SLC2A14: variants seen among roughly 807,000 people sequenced by gnomAD.
SLC2A14 encodes the protein solute carrier family 2 member 14.
Under a neutral mutation model 43.0 loss-of-function variants are expected in SLC2A14, and 13 were observed. That is an observed-to-expected ratio of 0.30 (90% CI 0.20 to 0.48). The LOEUF (loss-of-function observed/expected upper bound fraction) is 0.48, where lower values mean the gene tolerates loss of function less well. Among genes scored for constraint, SLC2A14 ranks in the 20% least tolerant of loss-of-function variants. SLC2A14 has a pLI of 0.99. For synonymous variants in SLC2A14, 190 were observed against 233.8 expected (o/e 0.81, Z 1.71); for missense variants, 428 against 620.4 (o/e 0.69, Z 3.29).
intron 1 of SLC2A14, among the ~76,000 whole-genome samples, chr12:7,880,693 A>C (rs1945553679): frequency 8.0e-5 from 1 of 12,548 alleles, no homozygotes; most frequent in Non-Finnish European, 1.5e-4. Flanking sequence ...TGGGTCTCAA[A>C]AAAAAAAAAA....
rs767648631 is a variant in SLC2A14 at position 7,879,327 on chromosome 12, C to CAAAAAA, written c.132+11668_132+11669insTTTTTT. On this transcript the variant is annotated intron_variant, in intron 1 of 9. Transcript: ENST00000539924. Reference sequence around the variant, plus strand: ...CAACTCTGCAAAAAAAAACAAACAACAACAAAAAAAAACAAAAGTTGCACC... The same window carrying CAAAAAA: ...CAACTCTGCAAAAAAAAACAAACAACAAAAAAAACAAAAAAAAACAAAAGTTGCACC... 6.0e-5 allele frequency among the ~76,000 whole-genome samples: 6 copies of CAAAAAA among 100,374 alleles called. 1 individual carries two copies. Among genetic ancestry groups the CAAAAAA allele is most frequent in the East Asian group, 2.7e-4 (1 of 3,764 alleles). The allele number at this position is 100,374 out of a possible 152,430, so 65.8% of individuals were successfully genotyped here. A position where few individuals can be genotyped will look rare whatever the true frequency, so the allele number is the denominator to read the frequency against.
chr12:7,883,992 C>G (rs923597945), intron 1 of SLC2A14, among the ~76,000 whole-genome samples: 1 of 150,880 alleles, frequency 6.6e-6, no homozygotes, highest in Non-Finnish European at 1.5e-5. Context: ...GGCACAATCT[C>G]GGCTCACTGC....
rs1863174882 is a variant in SLC2A14 at position 7,813,312 on chromosome 12, C to T, written c.*1004G>A. Reference sequence around the variant, plus strand: ...GTTTCTCATTTGGATGGCTCTCCCACTAGATAGGTGGCGGGATTACTTCAA... The same window carrying T: ...GTTTCTCATTTGGATGGCTCTCCCATTAGATAGGTGGCGGGATTACTTCAA... On this transcript the variant is annotated 3_prime_UTR_variant, in exon 11 of 11. Coordinates refer to ENST00000431042, the MANE Select transcript of SLC2A14 (RefSeq NM_001286234.2). 6.6e-6 allele frequency: 1 copy of T among 152,136 alleles called. No individual in the cohort carries two copies. Among genetic ancestry groups the T allele is most frequent in the East Asian group, 1.9e-4 (1 of 5,204 alleles). The allele number at this position is 152,136 out of a possible 1,614,324, so 9.4% of individuals were successfully genotyped here.
intron 2 of SLC2A14, among the ~76,000 whole-genome samples, chr12:7,864,348 ATTG>A (rs1171659416): frequency 6.6e-6 from 1 of 150,956 alleles, no homozygotes; most frequent in Non-Finnish European, 1.5e-5. Flanking sequence ...TGTTGTTGTT[ATTG>A]TTGTTTGAGA....
intron 1 of SLC2A14, among the ~76,000 whole-genome samples, chr12:7,885,351 G>A (rs1439227819): frequency 6.6e-6 from 1 of 152,104 alleles, no homozygotes; most frequent in African/African-American, 2.4e-5. Context: ...AGTAGTCCCA[G>A]CTACTCGGGA....
chr12:7,874,790 T>TAC (rs1945394702), upstream of SLC2A14, among the ~76,000 whole-genome samples: 1 of 39,530 alleles, frequency 2.5e-5, no homozygotes, highest in African/African-American at 7.8e-5. Flanking sequence ...AATATATAAA[T>TAC]ATATAAATAA....
chr12:7,859,602 T>C (rs1198784712), intron 2 of SLC2A14, among the ~76,000 whole-genome samples: 2 of 152,036 alleles, frequency 1.3e-5, no homozygotes, highest in East Asian at 1.9e-4. Flanking sequence ...TCTCCATACA[T>C]CATGGAATAG....
intron 1 of SLC2A14, among the ~76,000 whole-genome samples, chr12:7,887,872 G>A (rs982024410): frequency 7.2e-5 from 11 of 152,100 alleles, no homozygotes; most frequent in African/African-American, 1.9e-4. Flanking sequence ...AAAGACGGTC[G>A]TATCAAGATA....
intron 1 of SLC2A14, among the ~76,000 whole-genome samples, chr12:7,880,670 TACAAAC>T (rs1274410122): frequency 1.9e-4 from 13 of 70,200 alleles, no homozygotes; most frequent in Admixed American, 1.7e-3. Flanking sequence ...CTACTAAAAA[TACAAAC>T]ATTAGCTGGG....
chr12:7,839,141 T>C (rs1201760232), intron 2 of SLC2A14, among the ~76,000 whole-genome samples: 2 of 146,914 alleles, frequency 1.4e-5, no homozygotes, highest in Non-Finnish European at 3.0e-5. Context: ...ACAATAAATA[T>C]ATACTGTCAA....
intron 2 of SLC2A14, among the ~76,000 whole-genome samples, chr12:7,850,241 T>C (rs914428278): frequency 3.9e-5 from 6 of 152,020 alleles, no homozygotes; most frequent in African/African-American, 1.4e-4. Context: ...TGGGGAATGG[T>C]GCTTAGTCCA....
At chr12:7,837,907 G>A (rs1865594624) in intron 2 of SLC2A14, among the ~76,000 whole-genome samples, 1 of 151,804 alleles carries the variant, frequency 6.6e-6, no homozygotes, top group African/African-American at 2.4e-5. Context: ...ACAGGTGCAC[G>A]CCACCACGCC....
rs145961696 is a variant in SLC2A14 at position 7,817,957 on chromosome 12, G to A, written c.1149C>T (p.Gly383=). Residue 383 remains glycine, a synonymous_variant, in exon 10 of 11, where the codon GGC becomes GGT. Coordinates refer to ENST00000431042, the MANE Select transcript of SLC2A14 (RefSeq NM_001286234.2). Reference sequence around the variant, plus strand: ...CGGCCACAATAAACCAGGGAATGGGGCCTGGTCCAATTTCAAAACAGGCCA... The same window carrying A: ...CGGCCACAATAAACCAGGGAATGGGACCTGGTCCAATTTCAAAACAGGCCA... ...VFVACFEIGP[G]PIPWFIVAEL... is the part of the protein sequence containing the mutation. 2,280 of 1,614,118 alleles carry A rather than the reference G, an allele frequency of 1.4e-3. 41 individuals are homozygous for A. In the East Asian group the frequency reaches 0.041, roughly 29 times the overall value.
Position 7,833,795 on chromosome 12 carries a change from AAG to A in SLC2A14, c.19-983_19-982del, listed in dbSNP as rs60107797. On this transcript the variant is annotated intron_variant, in intron 2 of 10. Coordinates refer to ENST00000431042, the MANE Select transcript of SLC2A14 (RefSeq NM_001286234.2). ...AGACTCTGTCTCAAAAAAAAAAAAA[AAG>A]AGAGAGAGAGACATTTCTTAGTGGG... 7.4e-3 allele frequency among the ~76,000 whole-genome samples: 1,073 copies of A among 145,432 alleles called. 4 individuals carry two copies. The highest frequency in any genetic ancestry group is 0.015 in the African/African-American group (597 of 39,940).
intron 2 of SLC2A14, among the ~76,000 whole-genome samples, chr12:7,849,284 C>T (rs969505463): frequency 6.6e-6 from 1 of 151,996 alleles, no homozygotes; most frequent in Non-Finnish European, 1.5e-5. Context: ...GGGAGGATTG[C>T]TTGAGTCCAG....
chr12:7,854,885 A>C (rs1867229089), intron 2 of SLC2A14, among the ~76,000 whole-genome samples: 1 of 151,666 alleles, frequency 6.6e-6, no homozygotes. Context: ...ATCTCAGCTC[A>C]ATGCAACCTC....
At chr12:7,885,938 G>T (rs775432620) in intron 1 of SLC2A14, among the ~76,000 whole-genome samples, 1 of 151,776 alleles carries the variant, frequency 6.6e-6, no homozygotes, top group African/African-American at 2.4e-5. Context: ...CATATGTGAA[G>T]ATTTATTGTA....
upstream of SLC2A14, among the ~76,000 whole-genome samples, chr12:7,877,334 G>A (rs564033407): frequency 1.2e-4 from 19 of 152,074 alleles, 1 homozygote; most frequent in Middle Eastern, 3.4e-3. Flanking sequence ...GTTAACACAA[G>A]GTCTTGCTCT....
intron 10 of SLC2A14, among the ~76,000 whole-genome samples, chr12:7,815,256 CA>C (rs889960960): frequency 1.5e-3 from 213 of 143,436 alleles, no homozygotes; most frequent in Non-Finnish European, 2.4e-3. Context: ...ACTAAAAATA[CA>C]AAAAAAAAAA....
Sources: gnomAD v4.1 joint callset for allele counts (sites outside exome capture counted in the v4.1 genomes callset) on GRCh38, gnomAD v4.1.1 for gene constraint, MANE v1.5 for transcripts, NCBI Gene and HGNC (gene_info 2026-07-23, HGNC 2026-07-21) for gene names.